Variants in EPHB1 observed in about 807,000 individuals in gnomAD.
EPHB1 encodes the protein EPH receptor B1.
In EPHB1, 30 loss-of-function variants were observed where a neutral mutation model predicts 94.4. The ratio of observed to expected loss-of-function variants is 0.32; its 90% confidence interval spans 0.24 to 0.43. The LOEUF (loss-of-function observed/expected upper bound fraction) is 0.43, where lower values mean the gene tolerates loss of function less well. Ranked by LOEUF, EPHB1 falls within the 20% of genes least tolerant of loss-of-function variation. The pLI, the probability that EPHB1 is intolerant of heterozygous loss-of-function variation, is 1.00. For missense variants in EPHB1, 1,055 were observed against 1,308.3 expected (o/e 0.81, Z 2.99); for synonymous variants, 522 against 489.1 (o/e 1.07, Z -0.89).
intron 1 of EPHB1, among the ~76,000 whole-genome samples, chr3:134,826,186 A>AG (rs1419847887): frequency 2.1e-5 from 3 of 143,946 alleles, no homozygotes; most frequent in Non-Finnish European, 4.5e-5. Flanking sequence ...CAGGAGGTGG[A>AG]GGTTGCAGTG....
chr3:134,882,079 G>GA (rs1464946076), intron 1 of EPHB1, among the ~76,000 whole-genome samples: 1 of 152,122 alleles, frequency 6.6e-6, no homozygotes, highest in Admixed American at 6.6e-5. Flanking sequence ...AAAAGATGGG[G>GA]AAAAAATTGA....
At chr3:135,192,341 A>ATT (rs1553746562) in intron 10 of EPHB1, among the ~76,000 whole-genome samples, 1 of 152,242 alleles carries the variant, frequency 6.6e-6, no homozygotes, top group African/African-American at 2.4e-5. Flanking sequence ...CACTTTAGTT[A>ATT]CCCAAACTAT....
At chr3:134,833,683 C>A (rs1447222441) in intron 1 of EPHB1, among the ~76,000 whole-genome samples, 4 of 152,090 alleles carry the variant, frequency 2.6e-5, no homozygotes, top group Admixed American at 2.6e-4. Flanking sequence ...GGGGACTGGC[C>A]AGGCCTGAGG....
chr3:135,107,090 G>T (rs1939246809), intron 4 of EPHB1, among the ~76,000 whole-genome samples: 1 of 152,164 alleles, frequency 6.6e-6, no homozygotes, highest in Admixed American at 6.5e-5. Context: ...ACTATTGTGT[G>T]CCAGGACCAT....
At chr3:134,971,686 C>G (rs1380364382) in intron 3 of EPHB1, among the ~76,000 whole-genome samples, 1 of 152,166 alleles carries the variant, frequency 6.6e-6, no homozygotes, top group Non-Finnish European at 1.5e-5. Context: ...ATCTCCCACC[C>G]CAGCATGATG....
Position 135,259,228 on chromosome 3 carries a change from G to A in EPHB1, c.*108G>A. On this transcript the variant is annotated 3_prime_UTR_variant, in exon 16 of 16. Coordinates refer to ENST00000398015, the MANE Select transcript of EPHB1 (RefSeq NM_004441.5). ...TGGAGAGACTGGCTTCTCAGCTGAG[G>A]AATGCATTTCCATCAGTGAAGAATC... 1.2e-6 allele frequency: 1 copy of A among 823,350 alleles called. No homozygotes were observed. The highest frequency in any genetic ancestry group is 1.9e-6 in the Non-Finnish European group (1 of 520,892). The allele number at this position is 823,350 out of a possible 1,614,324, so 51.0% of individuals were successfully genotyped here. A position where few individuals can be genotyped will look rare whatever the true frequency, so the allele number is the denominator to read the frequency against.
At chr3:135,161,466 C>G (rs1295486602) in intron 6 of EPHB1, among the ~76,000 whole-genome samples, 1 of 152,144 alleles carries the variant, frequency 6.6e-6, no homozygotes, top group Non-Finnish European at 1.5e-5. Context: ...CTCTACCTCT[C>G]CAGCAGAGTG....
chr3:135,218,001 T>C (rs1355390427), intron 12 of EPHB1, among the ~76,000 whole-genome samples: 8 of 152,160 alleles, frequency 5.3e-5, no homozygotes, highest in African/African-American at 1.9e-4. Context: ...GTATTTACAT[T>C]TAAATCATAG....
chr3:134,869,350 G>A (rs1290537966), intron 1 of EPHB1, among the ~76,000 whole-genome samples: 2 of 152,180 alleles, frequency 1.3e-5, no homozygotes, highest in East Asian at 1.9e-4. Flanking sequence ...CTGGGCTGAT[G>A]CCATTCTCAA....
intron 12 of EPHB1, among the ~76,000 whole-genome samples, chr3:135,219,888 T>G (rs11915368): frequency 0.66 from 99,709 of 152,020 alleles, 33,890 homozygotes; most frequent in Middle Eastern, 0.76. Context: ...AATGTTGTAG[T>G]GTTTGCCTTA....
At chr3:135,245,546 G>T (rs532329948) in intron 13 of EPHB1, among the ~76,000 whole-genome samples, 4 of 146,376 alleles carry the variant, frequency 2.7e-5, no homozygotes, top group Admixed American at 6.8e-5. Context: ...ATCGGCCCGT[G>T]CCTGTAATCC....
chr3:134,902,593 C>G (rs1273950467), intron 1 of EPHB1, among the ~76,000 whole-genome samples: 1 of 152,174 alleles, frequency 6.6e-6, no homozygotes, highest in Non-Finnish European at 1.5e-5. Flanking sequence ...GCTTCTTCAT[C>G]TCATTAGCTG....
intron 5 of EPHB1, among the ~76,000 whole-genome samples, chr3:135,133,633 G>T (rs987434260): frequency 6.6e-6 from 1 of 151,992 alleles, no homozygotes; most frequent in Admixed American, 6.6e-5. Context: ...CTCCTTTATA[G>T]CTTGCTCTGA....
intron 1 of EPHB1, among the ~76,000 whole-genome samples, chr3:134,909,382 G>A (rs937657292): frequency 2.0e-5 from 3 of 152,216 alleles, no homozygotes; most frequent in African/African-American, 4.8e-5. Context: ...GTGAGCAAGC[G>A]GAGACTGCGT....
chr3:134,942,629 G>A (rs1347374635), intron 2 of EPHB1, among the ~76,000 whole-genome samples: 1 of 152,218 alleles, frequency 6.6e-6, no homozygotes, highest in East Asian at 1.9e-4. Context: ...GAATATACAA[G>A]TCTGGGGTAT....
intron 2 of EPHB1, among the ~76,000 whole-genome samples, chr3:134,947,625 C>T (rs886801574): frequency 3.3e-5 from 5 of 152,178 alleles, no homozygotes; most frequent in African/African-American, 1.2e-4. Flanking sequence ...AACTCAGGGT[C>T]ACCCATTGTG....
intron 3 of EPHB1, among the ~76,000 whole-genome samples, chr3:135,078,251 G>A (rs997726005): frequency 1.2e-4 from 18 of 152,286 alleles, no homozygotes; most frequent in African/African-American, 4.3e-4. Context: ...ATGGAAAGGA[G>A]TAAGAGAAGA....
At chr3:134,874,434 G>A (rs922722946) in intron 1 of EPHB1, among the ~76,000 whole-genome samples, 4 of 152,136 alleles carry the variant, frequency 2.6e-5, no homozygotes, top group East Asian at 3.9e-4. Flanking sequence ...CATGACACAC[G>A]TATACTGCAA....
At chr3:134,860,605 G>A (rs1300321871) in intron 1 of EPHB1, among the ~76,000 whole-genome samples, 1 of 152,094 alleles carries the variant, frequency 6.6e-6, no homozygotes, top group Admixed American at 6.5e-5. Flanking sequence ...ACGATGTCAG[G>A]AGATCAAGAC....
Sources: allele counts gnomAD v4.1 joint callset (sites outside exome capture counted in the v4.1 genomes callset), GRCh38; gene constraint gnomAD v4.1.1; transcripts MANE v1.5; gene names NCBI Gene and HGNC (gene_info 2026-07-23, HGNC 2026-07-21).